The following RUNX1T1 variants were observed in gnomAD, a reference collection of about 807,000 sequenced individuals.
RUNX1T1 encodes protein CBFA2T1.
RUNX1T1 carries 4 observed loss-of-function variants against 62.8 expected under a neutral mutation model. The ratio of observed to expected loss-of-function variants is 0.06; its 90% CI spans 0.03 to 0.15. The LOEUF (loss-of-function observed/expected upper bound fraction) is 0.15, where lower values mean the gene tolerates loss of function less well. Among genes scored for constraint, RUNX1T1 ranks in the 10% least tolerant of loss-of-function variants. The pLI is 1.00. For missense variants in RUNX1T1, 508 were observed against 754.3 expected (o/e 0.67, Z 3.82); for synonymous variants, 291 against 286.0 (o/e 1.02, Z -0.18).
chr8:92,090,147 C>G (rs1243511281), intron 1 of RUNX1T1, among the ~76,000 whole-genome samples: 1 of 151,118 alleles, frequency 6.6e-6, no homozygotes, highest in Non-Finnish European at 1.5e-5. Context: ...AAGGGAACTT[C>G]AGTTTGCCTA....
At chr8:92,077,460 G>C (rs1834597513) in intron 1 of RUNX1T1, among the ~76,000 whole-genome samples, 1 of 151,982 alleles carries the variant, frequency 6.6e-6, no homozygotes, top group Non-Finnish European at 1.5e-5. Flanking sequence ...GCACACAGCG[G>C]GGAAGACTGA....
At chr8:91,961,746 T>G (rs1298185620) in intron 10 of RUNX1T1, among the ~76,000 whole-genome samples, 1 of 152,242 alleles carries the variant, frequency 6.6e-6, no homozygotes, top group Non-Finnish European at 1.5e-5. Context: ...CCGATCCCAT[T>G]ATGCAAAACT....
chr8:91,955,981 C>T (rs946941940), downstream of RUNX1T1: 37 of 229,574 alleles, frequency 1.6e-4, no homozygotes, highest in Non-Finnish European at 1.1e-4. Context: ...ACAATGGTAG[C>T]GACTTTTAAT....
intron 6 of RUNX1T1, among the ~76,000 whole-genome samples, chr8:91,987,332 TA>T (rs1470340484): frequency 1.3e-5 from 2 of 152,182 alleles, no homozygotes; most frequent in Non-Finnish European, 2.9e-5. Context: ...AAGTGGTTTT[TA>T]AAGCATTGCT....
At chr8:92,057,006 C>T (rs1433569500) in intron 1 of RUNX1T1, among the ~76,000 whole-genome samples, 1 of 152,006 alleles carries the variant, frequency 6.6e-6, no homozygotes, top group Non-Finnish European at 1.5e-5. Flanking sequence ...TCTTAATGTG[C>T]CCTATGATTT....
downstream of RUNX1T1, chr8:91,955,694 T>C (rs974567021): frequency 8.9e-6 from 2 of 224,920 alleles, no homozygotes; most frequent in African/African-American, 4.5e-5. Context: ...TGCTGTGCCA[T>C]CCTTGATTTT....
At chr8:92,076,696 T>C (rs1194998175) in intron 1 of RUNX1T1, among the ~76,000 whole-genome samples, 1 of 152,076 alleles carries the variant, frequency 6.6e-6, no homozygotes, top group Non-Finnish European at 1.5e-5. Flanking sequence ...TTAAAAAATA[T>C]TAATGAAACA....
intron 1 of RUNX1T1, among the ~76,000 whole-genome samples, chr8:92,018,569 T>C (rs1166266531): frequency 6.6e-6 from 1 of 152,150 alleles, no homozygotes; most frequent in Non-Finnish European, 1.5e-5. Flanking sequence ...AAGTAACTAT[T>C]AAGAAAGAAC....
At chr8:92,028,071 A>C (rs2131283121) in intron 1 of RUNX1T1, among the ~76,000 whole-genome samples, 1 of 62,194 alleles carries the variant, frequency 1.6e-5, no homozygotes, top group Non-Finnish European at 2.7e-5. Flanking sequence ...GACGGATGGA[A>C]TAAATGGGGG....
chr8:91,992,029 C>T (rs1302339184), intron 5 of RUNX1T1, 140 bp from the exon 7 acceptor site: 3 of 890,840 alleles, frequency 3.4e-6, no homozygotes, highest in African/African-American at 3.4e-5. Context: ...TCCCAGAAAA[C>T]ATACGGGAAT....
At chr8:92,065,350 CAT>C (rs957950346), upstream of RUNX1T1, among the ~76,000 whole-genome samples, 44 of 152,246 alleles carry the variant, frequency 2.9e-4, no homozygotes, top group African/African-American at 8.4e-4. Context: ...CATAAGGAAA[CAT>C]ATTTTATAAA....
intron 1 of RUNX1T1, chr8:92,081,234 C>G: frequency 1.1e-6 from 1 of 948,022 alleles, no homozygotes; most frequent in Non-Finnish European, 1.3e-6. Context: ...AAGCGCCTAC[C>G]TTAGTGCTCC....
intron 1 of RUNX1T1, among the ~76,000 whole-genome samples, chr8:92,054,777 C>T (rs1469038779): frequency 6.6e-6 from 1 of 152,030 alleles, no homozygotes; most frequent in Non-Finnish European, 1.5e-5. Flanking sequence ...GGGCGGATCA[C>T]GAGATCAGGA....
chr8:92,046,062 T>C (rs2130260896), intron 1 of RUNX1T1, among the ~76,000 whole-genome samples: 1 of 152,312 alleles, frequency 6.6e-6, no homozygotes, highest in East Asian at 1.9e-4. Context: ...CCATGGCCTG[T>C]GCTCTCCTAA....
intron 10 of RUNX1T1, among the ~76,000 whole-genome samples, chr8:91,968,169 G>A (rs533329813): frequency 2.0e-5 from 3 of 152,148 alleles, no homozygotes; most frequent in African/African-American, 7.2e-5. Flanking sequence ...TCTGCCACAC[G>A]TATCTGCCTC....
rs552798802 is a variant in RUNX1T1 at position 91,971,413 on chromosome 8, C to T, written c.1268-565G>A. On this transcript the variant is annotated intron_variant, in intron 9 of 10. Coordinates refer to ENST00000396218, the Ensembl canonical transcript of RUNX1T1. ...CAAGAGTTCAGAAAAAAAAGAGAGG[C>T]CGAGAATGGATTTTACACATAAACA... 4.6e-5 allele frequency among the ~76,000 whole-genome samples: 7 copies of T among 152,044 alleles called. No individual in the cohort carries two copies. In the East Asian group the frequency reaches 1.4e-3, roughly 29 times the overall value.
chr8:91,960,418 G>T, exon 11 of RUNX1T1: 1 of 1,614,190 alleles, frequency 6.2e-7, no homozygotes, highest in Non-Finnish European at 8.5e-7. Flanking sequence ...ATGTGATGGT[G>T]CTTCTCCCAG....
chr8:92,063,333 C>A (rs1333301711), upstream of RUNX1T1, among the ~76,000 whole-genome samples: 1 of 152,116 alleles, frequency 6.6e-6, no homozygotes, highest in Admixed American at 6.6e-5. Context: ...CTGGGATCCC[C>A]GGGTTGATAT....
At chr8:91,983,416 C>A (rs1815864587) in intron 8 of RUNX1T1, among the ~76,000 whole-genome samples, 1 of 152,076 alleles carries the variant, frequency 6.6e-6, no homozygotes, top group South Asian at 2.1e-4. Flanking sequence ...TTTTAAAATG[C>A]TAAGAATGTG....
Sources: allele counts gnomAD v4.1 joint callset (sites outside exome capture counted in the v4.1 genomes callset), GRCh38; gene constraint gnomAD v4.1.1; transcripts MANE v1.5; gene names NCBI Gene and HGNC (gene_info 2026-07-23, HGNC 2026-07-21).